The following GLCCI1 variants were observed in gnomAD, a reference collection of about 807,000 sequenced individuals.
The protein encoded by GLCCI1 is glucocorticoid-induced transcript 1 protein.
In GLCCI1, 24 loss-of-function variants were observed where a neutral mutation model predicts 52.2. That is an observed-to-expected ratio of 0.46 (90% CI 0.33 to 0.65). The LOEUF is 0.65. Among genes scored for constraint, GLCCI1 ranks in the 30% least tolerant of loss-of-function variants. The probability of loss-of-function intolerance (pLI) is 0.02; values close to 1 mark genes in which losing one functional copy is unlikely to be tolerated. For missense variants in GLCCI1, 704 were observed against 701.5 expected, an observed-to-expected ratio of 1.00 and a Z score of -0.04; for synonymous variants, 310 against 276.5, an observed-to-expected ratio of 1.12 and a Z score of -1.20.
At chr7:8,070,818 G>A (rs1782744798) in intron 5 of GLCCI1, 103 bp from the exon 6 acceptor site, 1 of 981,080 alleles carries the variant, frequency 1.0e-6, no homozygotes, top group Non-Finnish European at 1.5e-6. Flanking sequence ...AATAAACTGG[G>A]TCAGTAGTGG....
chr7:8,074,490 C>T (rs1327540301), intron 6 of GLCCI1, among the ~76,000 whole-genome samples: 1 of 152,072 alleles, frequency 6.6e-6, no homozygotes, highest in Non-Finnish European at 1.5e-5. Context: ...TAAAGACCAG[C>T]CTGGCCAACA....
chr7:8,049,020 T>C (rs765096416), intron 3 of GLCCI1, among the ~76,000 whole-genome samples: 2 of 152,188 alleles, frequency 1.3e-5, no homozygotes, highest in African/African-American at 2.4e-5. Flanking sequence ...TAAACAAAAA[T>C]TGAAAAAGAT....
At chr7:8,061,528 A>T (rs1782514824) in intron 5 of GLCCI1, among the ~76,000 whole-genome samples, 1 of 152,104 alleles carries the variant, frequency 6.6e-6, no homozygotes, top group Admixed American at 6.5e-5. Context: ...ATATTGCCAG[A>T]ATTACCCTCC....
intron 1 of GLCCI1, among the ~76,000 whole-genome samples, chr7:8,003,109 G>A (rs1385038028): frequency 1.3e-5 from 2 of 152,178 alleles, no homozygotes; most frequent in Non-Finnish European, 2.9e-5. Context: ...AGTATTGAAT[G>A]TTGGTTCCTA....
chr7:8,079,755 T>G lies in GLCCI1; in HGVS notation c.1178-5142T>G, dbSNP rs892728257. 2.0e-5 allele frequency among the ~76,000 whole-genome samples: 3 copies of G among 151,430 alleles called. 1 individual carries two copies. The highest frequency in any genetic ancestry group is 7.4e-5 in the African/African-American group (3 of 40,798). ...AAGTGATTACAAAATATAAAATACC[T>G]CCTACATATAATAAATATATAATTA... On this transcript the variant is annotated intron_variant, in intron 6 of 7. Coordinates refer to ENST00000223145, the MANE Select transcript of GLCCI1 (RefSeq NM_138426.4).
chr7:8,079,961 G>A lies in GLCCI1; in HGVS notation c.1178-4936G>A, dbSNP rs574550692. 6.6e-5 allele frequency among the ~76,000 whole-genome samples: 10 copies of A among 151,576 alleles called. No individual in the cohort carries two copies. In the South Asian group the frequency reaches 2.1e-3, roughly 31 times the overall value. ...TGTCTTGGTTCATTACAATTCTTTAGTATTCTCACAAGGTGTTAACTTTGA... is the reference window on the plus strand; with the variant it reads ...TGTCTTGGTTCATTACAATTCTTTAATATTCTCACAAGGTGTTAACTTTGA... On this transcript the variant is annotated intron_variant, in intron 6 of 7. Transcript: ENST00000223145.
intron 3 of GLCCI1, among the ~76,000 whole-genome samples, chr7:8,053,471 C>G (rs1782313204): frequency 6.6e-6 from 1 of 150,958 alleles, no homozygotes; most frequent in Admixed American, 6.6e-5. Flanking sequence ...TACAGGCCCA[C>G]ACCACCACGT....
intron 3 of GLCCI1, among the ~76,000 whole-genome samples, chr7:8,048,532 C>T (rs560673403): frequency 6.6e-6 from 1 of 152,212 alleles, no homozygotes; most frequent in African/African-American, 2.4e-5. Flanking sequence ...GAGTCAAATA[C>T]CAGTCCCCTT....
intron 2 of GLCCI1, among the ~76,000 whole-genome samples, chr7:8,015,824 G>C (rs147524477): frequency 1.1e-3 from 161 of 152,260 alleles, no homozygotes; most frequent in African/African-American, 3.7e-3. Context: ...TGTTTCAAAA[G>C]TAGAAAGTAT....
rs1783113038 is a variant in GLCCI1, at chr7:8,086,662, A to C, written c.*124A>C. The C allele has an allele frequency of 1.3e-6, 1 of 798,774 alleles. No homozygotes were observed. The highest frequency in any genetic ancestry group is 2.0e-6 in the Non-Finnish European group (1 of 506,066). The allele number at this position is 798,774 out of a possible 1,614,324, so 49.5% of individuals were successfully genotyped here. ...ATAATACTTATCAGCATCATAAAGT[A>C]TCTCTTAAACACTGATCTTGGCAGG... On this transcript the variant is annotated 3_prime_UTR_variant, in exon 8 of 8. Coordinates refer to ENST00000223145, the MANE Select transcript of GLCCI1 (RefSeq NM_138426.4). This position sits in a 1 kb window ranked among gnomAD's most constrained non-coding sequence, Gnocchi z 4.4.
intron 3 of GLCCI1, among the ~76,000 whole-genome samples, chr7:8,023,901 G>A (rs1781556327): frequency 6.6e-6 from 1 of 151,928 alleles, no homozygotes; most frequent in Non-Finnish European, 1.5e-5. Flanking sequence ...ACCAGGCCAT[G>A]ATCATTCTTA....
chr7:7,988,786 T>C (rs1205482506), intron 1 of GLCCI1, among the ~76,000 whole-genome samples: 1 of 152,172 alleles, frequency 6.6e-6, no homozygotes, highest in African/African-American at 2.4e-5. Context: ...TATAGTAGAC[T>C]CCTATATGTT....
chr7:8,060,580 T>C (rs761719109), intron 5 of GLCCI1, among the ~76,000 whole-genome samples: 3 of 152,270 alleles, frequency 2.0e-5, no homozygotes, highest in Non-Finnish European at 4.4e-5. Flanking sequence ...AATGGAATCA[T>C]ACAACGTGGC....
intron 3 of GLCCI1, among the ~76,000 whole-genome samples, chr7:8,047,060 A>G (rs1782146789): frequency 6.6e-6 from 1 of 152,198 alleles, no homozygotes; most frequent in Non-Finnish European, 1.5e-5. Flanking sequence ...GATCAATAAT[A>G]CACACGTACA....
intron 3 of GLCCI1, among the ~76,000 whole-genome samples, chr7:8,049,717 G>T (rs1782215407): frequency 6.6e-6 from 1 of 152,186 alleles, no homozygotes; most frequent in Middle Eastern, 3.2e-3. Context: ...GCAGTGGTTG[G>T]TTGAAATTAT....
intron 6 of GLCCI1, among the ~76,000 whole-genome samples, chr7:8,078,908 C>G (rs1782931404): frequency 6.6e-6 from 1 of 152,116 alleles, no homozygotes; most frequent in Non-Finnish European, 1.5e-5. Flanking sequence ...TGGTTTCTGC[C>G]TAAAGACATT....
At chr7:7,982,634 C>G (rs910520589) in intron 1 of GLCCI1, among the ~76,000 whole-genome samples, 1 of 152,012 alleles carries the variant, frequency 6.6e-6, no homozygotes, top group Non-Finnish European at 1.5e-5. Context: ...CCTAAGAACC[C>G]TCTCCCTCTC....
chr7:8,004,514 C>T (rs948388048), intron 2 of GLCCI1, among the ~76,000 whole-genome samples: 1 of 152,096 alleles, frequency 6.6e-6, no homozygotes, highest in African/African-American at 2.4e-5. Flanking sequence ...AATTAACTGT[C>T]TCATTTTCCC....
At chr7:7,995,843 A>G (rs1340076329) in intron 1 of GLCCI1, among the ~76,000 whole-genome samples, 2 of 152,202 alleles carry the variant, frequency 1.3e-5, no homozygotes, top group East Asian at 1.9e-4. Flanking sequence ...TGGCACATGT[A>G]TACATATGTA....
Sources: allele counts gnomAD v4.1 joint callset (sites outside exome capture counted in the v4.1 genomes callset), GRCh38; gene constraint gnomAD v4.1.1; non-coding constraint Gnocchi (gnomAD v3.1); transcripts MANE v1.5; gene names NCBI Gene and HGNC (gene_info 2026-07-23, HGNC 2026-07-21).